Variants in ANTXR2 observed in about 807,000 individuals in gnomAD.
The protein encoded by ANTXR2 is anthrax toxin receptor 2.
In ANTXR2, 44 loss-of-function variants were observed where a neutral mutation model predicts 73.7. The observed-to-expected ratio is 0.60, with a 90% CI of 0.47 to 0.77. The LOEUF (loss-of-function observed/expected upper bound fraction) is 0.77, where lower values mean the gene tolerates loss of function less well. Ranked by LOEUF, ANTXR2 falls within the 30% of genes least tolerant of loss-of-function variation. The pLI is 0.00. For synonymous variants in ANTXR2, 217 were observed against 205.9 expected (o/e 1.05, Z -0.46); for missense variants, 604 against 592.5 (o/e 1.02, Z -0.20).
At chr4:79,984,687 GATTTGTATAA>G (rs1730031367) in intron 13 of ANTXR2, 122 bp downstream of exon 13, 2 of 806,616 alleles carry the variant, frequency 2.5e-6, no homozygotes, top group African/African-American at 3.5e-5. Context: ...AATAACCACT[GATTTGTATAA>G]ATTAAAAAGT....
chr4:79,974,586 A>G (rs1729552970), intron 16 of ANTXR2, among the ~76,000 whole-genome samples: 1 of 151,910 alleles, frequency 6.6e-6, no homozygotes, highest in Non-Finnish European at 1.5e-5. Context: ...TACAATTCAT[A>G]TATATTAATA....
At chr4:80,015,744 T>C (rs1731806388) in intron 11 of ANTXR2, among the ~76,000 whole-genome samples, 1 of 138,916 alleles carries the variant, frequency 7.2e-6, no homozygotes, top group African/African-American at 2.7e-5. Context: ...GAGAGGAATA[T>C]GAGGAAGGAA....
chr4:80,054,251 T>A, intron 7 of ANTXR2, 21 bp downstream of exon 7: 1 of 1,566,294 alleles, frequency 6.4e-7, no homozygotes, highest in Non-Finnish European at 8.7e-7. Context: ...GAGCCCTTCC[T>A]GCCCCCAGAG....
At chr4:80,073,303 C>T (rs1295412093), upstream of ANTXR2, 1 of 152,338 alleles carries the variant, frequency 6.6e-6, no homozygotes, top group Non-Finnish European at 1.5e-5. Flanking sequence ...CTTGTGGGTT[C>T]CTGCCGAGTT....
At chr4:79,984,747 A>T in intron 13 of ANTXR2, 72 bp downstream of exon 13, 2 of 1,304,294 alleles carry the variant, frequency 1.5e-6, no homozygotes, top group South Asian at 1.3e-5. Context: ...GACAAAATTG[A>T]TTAAATTTGG....
At chr4:80,010,742 T>TA (rs1019517304) in intron 11 of ANTXR2, among the ~76,000 whole-genome samples, 5 of 152,174 alleles carry the variant, frequency 3.3e-5, no homozygotes, top group Middle Eastern at 6.8e-3. Context: ...ATTTTTCCCT[T>TA]AAAAAAAGCC....
rs1421572910 is a variant in ANTXR2, at chr4:80,072,766, C to T, written c.-206G>A. 2.4e-6 allele frequency: 3 copies of T among 1,252,956 alleles called. No individual in the cohort carries two copies. The highest frequency in any genetic ancestry group is 8.4e-5 in the Admixed American group (2 of 23,810). The allele number at this position is 1,252,956 out of a possible 1,614,324, so 77.6% of individuals were successfully genotyped here. A position where few individuals can be genotyped will look rare whatever the true frequency, so the allele number is the denominator to read the frequency against. On this transcript the variant is annotated 5_prime_UTR_variant, in exon 1 of 17. Transcript: ENST00000403729. ...AGAGGACAAAGGGAGTCTCCGCCAC[C>T]GCCGCAGCTGCCGCCGGAACTCTTG...
intron 8 of ANTXR2, among the ~76,000 whole-genome samples, chr4:80,035,053 T>C (rs771243076): frequency 1.5e-4 from 23 of 152,164 alleles, no homozygotes; most frequent in Non-Finnish European, 2.8e-4. Flanking sequence ...CTTTCAATAG[T>C]GTTGTTATAA....
At chr4:79,981,698 A>G (rs1729897629) in intron 14 of ANTXR2, among the ~76,000 whole-genome samples, 1 of 152,142 alleles carries the variant, frequency 6.6e-6, no homozygotes, top group African/African-American at 2.4e-5. Context: ...GGGATACTCA[A>G]CGTGTATCGT....
chr4:80,009,568 G>A (rs1403261124), intron 11 of ANTXR2, among the ~76,000 whole-genome samples: 1 of 152,108 alleles, frequency 6.6e-6, no homozygotes, highest in East Asian at 1.9e-4. Flanking sequence ...TACTTACTGA[G>A]GCCGGGCACA....
chr4:79,997,658 A>T (rs1450330888), intron 12 of ANTXR2, among the ~76,000 whole-genome samples: 1 of 152,018 alleles, frequency 6.6e-6, no homozygotes, highest in Non-Finnish European at 1.5e-5. Flanking sequence ...TTCCTCGACA[A>T]ACTCATCAAT....
At chr4:79,921,262 T>C (rs1311245208) in intron 16 of ANTXR2, among the ~76,000 whole-genome samples, 1 of 152,132 alleles carries the variant, frequency 6.6e-6, no homozygotes, top group Non-Finnish European at 1.5e-5. Context: ...TGAATGTTTA[T>C]ATATCAACAT....
In ANTXR2 at chr4:79,904,499, A is replaced by G. The variant is rs999315794; in HGVS notation, c.*2930T>C. The G allele has an allele frequency of 6.6e-6, 1 of 152,134 alleles. No homozygotes were observed. Among genetic ancestry groups the G allele is most frequent in the Non-Finnish European group, 1.5e-5 (1 of 67,990 alleles). 9.4% of individuals were successfully genotyped at this position (152,134 alleles called of 1,614,324 possible). A position where few individuals can be genotyped will look rare whatever the true frequency, so the allele number is the denominator to read the frequency against. On this transcript the variant is annotated 3_prime_UTR_variant, in exon 17 of 17. Coordinates refer to ENST00000403729, the MANE Select transcript of ANTXR2 (RefSeq NM_058172.6). ...AGGCATCAGTGCTGCAACTCTTAGC[A>G]CCAAATGTTTTTTCTTGGAGCACCA...
chr4:80,041,407 T>TA (rs1733242660), intron 7 of ANTXR2, among the ~76,000 whole-genome samples: 1 of 152,080 alleles, frequency 6.6e-6, no homozygotes, highest in African/African-American at 2.4e-5. Flanking sequence ...AGTATATCAC[T>TA]AAGCTTTTGC....
chr4:79,948,819 G>C (rs1268608082), intron 16 of ANTXR2, among the ~76,000 whole-genome samples: 1 of 152,098 alleles, frequency 6.6e-6, no homozygotes, highest in Non-Finnish European at 1.5e-5. Flanking sequence ...CAGAGAAACA[G>C]AGAAAAGTCT....
chr4:80,019,985 G>T (rs112175835), intron 10 of ANTXR2, among the ~76,000 whole-genome samples: 2,549 of 152,120 alleles, frequency 0.017, 77 homozygotes, highest in African/African-American at 0.057. Flanking sequence ...GATATCAAAA[G>T]GGAAAAAAAT....
intron 3 of ANTXR2, among the ~76,000 whole-genome samples, chr4:80,063,104 A>C (rs1432271171): frequency 6.6e-6 from 1 of 152,200 alleles, no homozygotes; most frequent in African/African-American, 2.4e-5. Context: ...AGTTATAAAT[A>C]CCCATTGTGT....
At chr4:79,916,816 C>T (rs1403496500) in intron 16 of ANTXR2, among the ~76,000 whole-genome samples, 1 of 152,026 alleles carries the variant, frequency 6.6e-6, no homozygotes, top group Non-Finnish European at 1.5e-5. Context: ...ATATAGTATA[C>T]ACACTATAGC....
chr4:79,996,999 G>A (rs760885405), intron 12 of ANTXR2, among the ~76,000 whole-genome samples: 1 of 151,218 alleles, frequency 6.6e-6, no homozygotes, highest in African/African-American at 2.4e-5. Flanking sequence ...TCATCAGGAA[G>A]GATTACATCT....
Sources: gnomAD v4.1 joint callset for allele counts (sites outside exome capture counted in the v4.1 genomes callset) on GRCh38, gnomAD v4.1.1 for gene constraint, MANE v1.5 for transcripts, NCBI Gene and HGNC (gene_info 2026-07-23, HGNC 2026-07-21) for gene names.